PCDH9: variants seen among roughly 807,000 people sequenced by gnomAD.
PCDH9 encodes the protein protocadherin 9, also known as protocadherin-9.
Under a neutral mutation model 70.6 loss-of-function variants are expected in PCDH9, and 24 were observed. That is an observed-to-expected ratio of 0.34 (90% CI 0.25 to 0.48). The LOEUF is 0.48. PCDH9 is among the 20% of genes least tolerant of loss of function. The probability of loss-of-function intolerance (pLI) is 0.99; values close to 1 mark genes in which losing one functional copy is unlikely to be tolerated. For synonymous variants in PCDH9, 562 were observed against 558.5 expected (o/e 1.01, Z -0.09); for missense variants, 1,281 against 1,503.6 (o/e 0.85, Z 2.45).
In PCDH9 at chr13:66,920,409, C is replaced by A. The variant is rs532537674; in HGVS notation, c.3037-16804G>T. On this transcript the variant is annotated intron_variant, in intron 2 of 4. Transcript: ENST00000377865. ...AGCATTAATCCCCTTGAAAGGGAGA[C>A]ACTCAATTTACAGTGTATTTTGCAT... Among the ~76,000 whole-genome samples, 3 of 151,212 alleles carry A rather than the reference C, an allele frequency of 2.0e-5. No homozygotes were observed. In the East Asian group the frequency reaches 5.8e-4, roughly 29 times the overall value.
chr13:66,310,159 T>C (rs796268758), intron 4 of PCDH9, among the ~76,000 whole-genome samples: 10 of 152,110 alleles, frequency 6.6e-5, no homozygotes, highest in African/African-American at 2.2e-4. Flanking sequence ...AATAACACCG[T>C]GCAAGCCATC....
chr13:66,382,234 A>T (rs1038359274), intron 4 of PCDH9, among the ~76,000 whole-genome samples: 1 of 152,150 alleles, frequency 6.6e-6, no homozygotes, highest in African/African-American at 2.4e-5. Flanking sequence ...CTTTTTTGAA[A>T]ATGACCCTAA....
At chr13:67,050,553 C>A (rs78120012) in intron 2 of PCDH9, among the ~76,000 whole-genome samples, 1 of 152,130 alleles carries the variant, frequency 6.6e-6, no homozygotes, top group Non-Finnish European at 1.5e-5. Context: ...GCAAAGTTAT[C>A]ACAAGCTTAC....
rs569528698 is a variant in PCDH9 at position 67,127,632 on chromosome 13, A to T, written c.3036+97773T>A. On this transcript the variant is annotated intron_variant, in intron 2 of 4. Coordinates refer to ENST00000377865, the MANE Select transcript of PCDH9 (RefSeq NM_203487.3). Reference sequence around the variant, plus strand: ...AGTTACTCTGGCCTTCTCTGAAGTCAGCTCTCCTATTCATTTCAAGACTTT... The same window carrying T: ...AGTTACTCTGGCCTTCTCTGAAGTCTGCTCTCCTATTCATTTCAAGACTTT... Among the ~76,000 whole-genome samples the T allele has an allele frequency of 2.0e-5, 3 of 151,396 alleles. No individual in the cohort carries two copies. The South Asian group carries it at 6.3e-4, about 32-fold the overall frequency.
At chr13:66,688,241 C>T (rs2078433629) in intron 3 of PCDH9, among the ~76,000 whole-genome samples, 2 of 152,108 alleles carry the variant, frequency 1.3e-5, no homozygotes, top group South Asian at 4.1e-4. Context: ...ATGCCTTAAG[C>T]AACTGCCTTC....
At chr13:66,960,692 A>C (rs1379883294) in intron 2 of PCDH9, among the ~76,000 whole-genome samples, 1 of 152,188 alleles carries the variant, frequency 6.6e-6, no homozygotes, top group Non-Finnish European at 1.5e-5. Context: ...GGCAGTTAAG[A>C]AAACATAAAA....
chr13:66,559,829 T>C lies in PCDH9; in HGVS notation c.3340+71381A>G, dbSNP rs1438491817. Among the ~76,000 whole-genome samples, 45 of 122,690 alleles carry C rather than the reference T, an allele frequency of 3.7e-4. 1 individual carries two copies. The highest frequency in any genetic ancestry group is 1.1e-3 in the African/African-American group (34 of 31,430). The allele number at this position is 122,690 out of a possible 152,430, so 80.5% of individuals were successfully genotyped here. On this transcript the variant is annotated intron_variant, in intron 4 of 4. Transcript: ENST00000377865. Reference sequence around the variant, plus strand: ...AAAAAAAAAAAAAAATATATATATATATATACACACACACACACACACACA... The same window carrying C: ...AAAAAAAAAAAAAAATATATATATACATATACACACACACACACACACACA...
At chr13:66,713,722 C>T (rs1308406253) in intron 3 of PCDH9, among the ~76,000 whole-genome samples, 1 of 148,700 alleles carries the variant, frequency 6.7e-6, no homozygotes, top group African/African-American at 2.5e-5. Flanking sequence ...ATAGACATAT[C>T]TTCTTACCTC....
intron 2 of PCDH9, among the ~76,000 whole-genome samples, chr13:66,961,429 T>A (rs181973477): frequency 5.9e-5 from 9 of 152,308 alleles, no homozygotes; most frequent in Admixed American, 5.9e-4. Flanking sequence ...AATCCTTAAG[T>A]GGGACCTCAA....
chr13:66,461,451 C>G (rs1285898845), intron 4 of PCDH9, among the ~76,000 whole-genome samples: 2 of 150,850 alleles, frequency 1.3e-5, no homozygotes, highest in African/African-American at 4.9e-5. Context: ...AAAAAAAGCT[C>G]AGCTAAATAA....
At chr13:67,051,479 G>C (rs199556063) in intron 2 of PCDH9, among the ~76,000 whole-genome samples, 1 of 125,756 alleles carries the variant, frequency 8.0e-6, no homozygotes, top group East Asian at 2.5e-4. Flanking sequence ...TGCAACCTCC[G>C]CCTCCCGGGT....
intron 4 of PCDH9, among the ~76,000 whole-genome samples, chr13:66,585,683 G>A (rs547453759): frequency 1.3e-5 from 2 of 152,262 alleles, no homozygotes; most frequent in South Asian, 4.2e-4. Context: ...AAAACTTGAT[G>A]ATAACCTCAC....
chr13:66,925,958 C>T (rs2082711204), intron 2 of PCDH9, among the ~76,000 whole-genome samples: 1 of 151,890 alleles, frequency 6.6e-6, no homozygotes, highest in Admixed American at 6.6e-5. Context: ...ATTTTGTTTC[C>T]TAAAGCATAT....
At chr13:66,462,331 C>A (rs1352304487) in intron 4 of PCDH9, among the ~76,000 whole-genome samples, 1 of 151,780 alleles carries the variant, frequency 6.6e-6, no homozygotes, top group Non-Finnish European at 1.5e-5. Context: ...AAAGCTTAAA[C>A]CTTTATGGTT....
chr13:66,367,482 A>C (rs1294519869), intron 4 of PCDH9, among the ~76,000 whole-genome samples: 1 of 152,174 alleles, frequency 6.6e-6, no homozygotes, highest in Non-Finnish European at 1.5e-5. Flanking sequence ...CTCAATCGTA[A>C]AACCAAGAGC....
intron 2 of PCDH9, among the ~76,000 whole-genome samples, chr13:67,163,045 T>A (rs753790800): frequency 1.8e-4 from 28 of 152,182 alleles, no homozygotes; most frequent in Non-Finnish European, 3.1e-4. Flanking sequence ...CATATATAGA[T>A]AGTAACACTT....
chr13:66,871,682 T>C (rs889249868), intron 3 of PCDH9, among the ~76,000 whole-genome samples: 1 of 152,128 alleles, frequency 6.6e-6, no homozygotes, highest in Non-Finnish European at 1.5e-5. Context: ...CTACCGTACA[T>C]GTATGGCACT....
At chr13:66,466,374 C>T (rs905016615) in intron 4 of PCDH9, among the ~76,000 whole-genome samples, 5 of 152,060 alleles carry the variant, frequency 3.3e-5, no homozygotes, top group Admixed American at 1.3e-4. Flanking sequence ...CTTTGTGTCA[C>T]GAATCTCTTA....
chr13:67,016,055 T>C (rs2084554183), intron 2 of PCDH9, among the ~76,000 whole-genome samples: 2 of 152,132 alleles, frequency 1.3e-5, no homozygotes, highest in Non-Finnish European at 2.9e-5. Context: ...ATAACCTGAT[T>C]TTTGATGAGG....
Sources: gnomAD v4.1 joint callset for allele counts (sites outside exome capture counted in the v4.1 genomes callset) on GRCh38, gnomAD v4.1.1 for gene constraint, MANE v1.5 for transcripts, NCBI Gene and HGNC (gene_info 2026-07-23, HGNC 2026-07-21) for gene names.